Variants in CUL4B observed in about 807,000 individuals in gnomAD.
The protein encoded by CUL4B is cullin 4B, also known as cullin-4B.
In CUL4B, 1 loss-of-function variant was observed where a neutral mutation model predicts 69.2. The ratio of observed to expected loss-of-function variants is 0.01; its 90% CI spans 0.01 to 0.07. The LOEUF (loss-of-function observed/expected upper bound fraction) is 0.07. CUL4B is among the 10% of genes least tolerant of loss of function. The probability of loss-of-function intolerance (pLI) is 1.00; values close to 1 mark genes in which losing one functional copy is unlikely to be tolerated. For synonymous variants in CUL4B, 237 were observed against 223.2 expected (o/e 1.06, Z -0.55); for missense variants, 328 against 638.8 (o/e 0.51, Z 5.24).
At chrX:120,561,250 T>G (rs1925289122), upstream of CUL4B, 1 of 515,111 alleles carries the variant, frequency 1.9e-6, no homozygotes, top group Middle Eastern at 5.3e-4. Context: ...GCTAGTTCGC[T>G]CCTGCTCCCG....
chrX:120,570,922 T>G (rs1344353334), downstream of CUL4B, among the ~76,000 whole-genome samples: 6 of 109,223 alleles, frequency 5.5e-5, no homozygotes, highest in Non-Finnish European at 1.1e-4. Context: ...CTGGGTGATA[T>G]GGTATGCACC....
chrX:120,574,159 G>A (rs1346664035), intron 2 of CUL4B, among the ~76,000 whole-genome samples: 3 of 95,926 alleles, frequency 3.1e-5, no homozygotes, highest in East Asian at 3.4e-4. Context: ...CACCGCACCC[G>A]GCCCTGAGGT....
intron 2 of CUL4B, chrX:120,572,058 G>A (rs1235116514): frequency 3.7e-5 from 4 of 109,403 alleles, no homozygotes; most frequent in South Asian, 4.0e-4. Context: ...AGATCATGGC[G>A]AATATTGTAT....
At chrX:120,537,868 C>T (rs1012702430) in intron 14 of CUL4B, among the ~76,000 whole-genome samples, 4 of 111,690 alleles carry the variant, frequency 3.6e-5, no homozygotes, top group Non-Finnish European at 7.5e-5. Flanking sequence ...CCCACTATAG[C>T]TCTTCTTGTA....
chrX:120,542,017 C>A (rs1396816474), intron 9 of CUL4B, among the ~76,000 whole-genome samples: 1 of 110,775 alleles, frequency 9.0e-6, no homozygotes, highest in Non-Finnish European at 1.9e-5. Context: ...TCAATTGAAG[C>A]CAGGAGGTCA....
chrX:120,557,216 T>C (rs751341660), intron 2 of CUL4B, among the ~76,000 whole-genome samples: 1 of 111,698 alleles, frequency 9.0e-6, no homozygotes, highest in East Asian at 2.8e-4. Flanking sequence ...CGGCCTGAAG[T>C]ATCTTTTAAC....
At chrX:120,545,253 G>T (rs1158910269) in intron 5 of CUL4B, among the ~76,000 whole-genome samples, 191 bp downstream of exon 5, 5 of 111,670 alleles carry the variant, frequency 4.5e-5, no homozygotes, top group Non-Finnish European at 9.4e-5. Flanking sequence ...ATATGCCCAG[G>T]GAATGTTAGC....
downstream of CUL4B, among the ~76,000 whole-genome samples, chrX:120,570,634 C>T (rs1404065842): frequency 8.9e-6 from 1 of 112,133 alleles, no homozygotes; most frequent in Admixed American, 9.5e-5. Flanking sequence ...ATTTTCTATT[C>T]CTATTCTGCA....
chrX:120,561,182 G>T, upstream of CUL4B: 12 of 722,195 alleles, frequency 1.7e-5, no homozygotes, highest in Non-Finnish European at 2.4e-5. Context: ...GGGGGCGGGG[G>T]AGCTCGCGCG....
Position 120,560,665 on chromosome X carries a change from G to GTTTT in CUL4B, c.-28_-27insAAAA. On this transcript the variant is annotated 5_prime_UTR_variant, in exon 1 of 20. Coordinates refer to ENST00000371322, the MANE Select transcript of CUL4B (RefSeq NM_001079872.2). Reference sequence around the variant, plus strand: ...AAAATAGCGGGGTCAACAGGCAGAGGAGCATCAAAAACCTACGTTTATATG... The same window carrying GTTTT: ...AAAATAGCGGGGTCAACAGGCAGAGGTTTTAGCATCAAAAACCTACGTTTATATG... 8.4e-7 allele frequency: 1 copy of GTTTT among 1,195,781 alleles called. No homozygotes were observed.
chrX:120,570,982 A>G (rs1018416231), downstream of CUL4B, among the ~76,000 whole-genome samples: 183 of 93,748 alleles, frequency 2.0e-3, 1 homozygote, highest in African/African-American at 7.0e-3. Context: ...GCTTGAGCCC[A>G]GGAGTTCGAG....
At chrX:120,572,464 C>CAAAAAAAAAAAAAAAA (rs66749436) in intron 2 of CUL4B, among the ~76,000 whole-genome samples, 1 of 50,437 alleles carries the variant, frequency 2.0e-5, no homozygotes, top group Non-Finnish European at 3.6e-5. Context: ...CAAAACTCCT[C>CAAAAAAAAAAAAAAAA]AAAAAAAAAA....
Position 120,560,611 on chromosome X carries a change from T to C in CUL4B, c.28A>G (p.Ser10Gly). The C allele has an allele frequency of 1.7e-6, 2 of 1,205,288 alleles. No individual in the cohort carries two copies. The highest frequency in any genetic ancestry group is 2.2e-6 in the Non-Finnish European group (2 of 894,722). ...TGAGCAGCAGCAGCAGCTGAGGGAC[T>C]GGGGGAAGAAAAACCTGTTGGAAAC... The part of the protein sequence containing the change: MFPTGFSSP[S>G]PSAAAAAQEV... Residue 10 changes from serine (S) to glycine (G), a missense_variant, in exon 1 of 20, where the codon AGT (serine) becomes GGT (glycine). Coordinates refer to ENST00000371322, the MANE Select transcript of CUL4B (RefSeq NM_001079872.2).
intron 2 of CUL4B, among the ~76,000 whole-genome samples, chrX:120,572,813 TA>T (rs1265256346): frequency 1.5e-4 from 17 of 111,708 alleles, no homozygotes. Flanking sequence ...TCCTATCACT[TA>T]AAAAAATCTA....
chrX:120,566,330 T>C (rs1459841054), upstream of CUL4B, among the ~76,000 whole-genome samples: 2 of 86,540 alleles, frequency 2.3e-5, no homozygotes, highest in African/African-American at 4.1e-5. Context: ...TTCATATGTA[T>C]GTGTGTGTGT....
At chrX:120,555,993 C>A (rs1924941432) in intron 2 of CUL4B, among the ~76,000 whole-genome samples, 1 of 107,253 alleles carries the variant, frequency 9.3e-6, no homozygotes, top group Non-Finnish European at 1.9e-5. Context: ...CTACGTACCC[C>A]AGAAAGGGTT....
At chrX:120,561,187 C>T, upstream of CUL4B, 1 of 696,020 alleles carries the variant, frequency 1.4e-6, no homozygotes, top group Non-Finnish European at 2.1e-6. Context: ...CGGGGGAGCT[C>T]GCGCGTGAGG....
intron 2 of CUL4B, among the ~76,000 whole-genome samples, chrX:120,554,115 A>AAG (rs1924835205): frequency 8.9e-6 from 1 of 112,362 alleles, no homozygotes; most frequent in Admixed American, 9.5e-5. Flanking sequence ...TTTTAAAATA[A>AAG]AGATTTCTTT....
At chrX:120,540,287 A>G in intron 11 of CUL4B, 83 bp downstream of exon 11, 2 of 933,346 alleles carry the variant, frequency 2.1e-6, no homozygotes, top group South Asian at 4.0e-5. Flanking sequence ...TAGTAATACT[A>G]CAACCTGGTA....
Sources: gnomAD v4.1 joint callset for allele counts (sites outside exome capture counted in the v4.1 genomes callset) on GRCh38, gnomAD v4.1.1 for gene constraint, MANE v1.5 for transcripts, NCBI Gene and HGNC (gene_info 2026-07-23, HGNC 2026-07-21) for gene names.